Variants in MICU3 observed in about 807,000 individuals in gnomAD.
MICU3 encodes the protein calcium uptake protein 3, mitochondrial.
In MICU3, 62 loss-of-function variants were observed where a neutral mutation model predicts 66.5. The ratio of observed to expected loss-of-function variants is 0.93; its 90% CI spans 0.76 to 1.15. MICU3 has a LOEUF of 1.15. Among genes scored for constraint, MICU3 ranks in the 50% most tolerant of loss-of-function variants. The probability of loss-of-function intolerance (pLI) is 0.00; values close to 1 mark genes in which losing one functional copy is unlikely to be tolerated. For missense variants in MICU3, 779 were observed against 664.4 expected (o/e 1.17, Z -1.90); for synonymous variants, 308 against 240.7 (o/e 1.28, Z -2.59).
At position 17,038,839 on chromosome 8, in the gene MICU3, G is replaced by T. The variant is rs576840708; in HGVS notation, c.381+11179G>T. 1.1e-3 allele frequency among the ~76,000 whole-genome samples: 168 copies of T among 152,104 alleles called. 1 individual carries two copies. The highest frequency in any genetic ancestry group is 3.9e-3 in the African/African-American group (163 of 41,506). On this transcript the variant is annotated intron_variant, in intron 1 of 14. Coordinates refer to ENST00000318063, the MANE Select transcript of MICU3 (RefSeq NM_181723.3). ...GTGGTGGCAGTCGCCTGTAGTCCCA[G>T]CTGCTCGGGAGGCTGAGGCAGGAGA... is the stretch of plus-strand genomic sequence containing the variant.
At chr8:17,051,957 G>A (rs1816167998) in intron 1 of MICU3, among the ~76,000 whole-genome samples, 1 of 152,078 alleles carries the variant, frequency 6.6e-6, no homozygotes, top group African/African-American at 2.4e-5. Context: ...TGAAGGAGAA[G>A]TATACAGTGG....
intron 1 of MICU3, 60 bp downstream of exon 1, chr8:17,027,720 C>G: frequency 2.4e-6 from 3 of 1,261,250 alleles, no homozygotes; most frequent in Non-Finnish European, 3.0e-6. Flanking sequence ...GCCGGGTACG[C>G]AGGACCCTGG....
rs369080878 is a variant in MICU3, at chr8:17,069,644, A to G, written c.536-44A>G. ...GTTAGCAAATATGGATATATATTCC[A>G]TGAAGTATTTATTATCTAATTATCT... On this transcript the variant is annotated intron_variant, in intron 2 of 14. Transcript: ENST00000318063. 35 of 1,229,220 alleles carry G rather than the reference A, an allele frequency of 2.8e-5. No individual in the cohort carries two copies. In the African/African-American group the frequency reaches 5.3e-4, roughly 19 times the overall value. The allele number at this position is 1,229,220 out of a possible 1,614,324, so 76.1% of individuals were successfully genotyped here. A position where few individuals can be genotyped will look rare whatever the true frequency, so the allele number is the denominator to read the frequency against.
chr8:17,107,611 G>T (rs920000054), intron 11 of MICU3, among the ~76,000 whole-genome samples: 1 of 152,112 alleles, frequency 6.6e-6, no homozygotes, highest in Non-Finnish European at 1.5e-5. Flanking sequence ...AAGTAAAATT[G>T]TATTGGAACA....
chr8:17,099,136 G>A (rs1039003740), intron 9 of MICU3, among the ~76,000 whole-genome samples: 18 of 151,642 alleles, frequency 1.2e-4, no homozygotes, highest in Admixed American at 3.3e-4. Context: ...ATCGGAGTGG[G>A]CTGCTTCCAT....
chr8:17,086,652 C>G (rs1170442061), intron 6 of MICU3, among the ~76,000 whole-genome samples: 2 of 152,108 alleles, frequency 1.3e-5, no homozygotes, highest in African/African-American at 4.8e-5. Flanking sequence ...GTTCCATCCC[C>G]CTGACTTAAA....
At chr8:17,133,464 G>A in the MICU3 span, among the ~76,000 whole-genome samples, 3 of 151,974 alleles carry the variant, frequency 2.0e-5, no homozygotes, top group East Asian at 1.9e-4. Context: ...TAAGTTGCAC[G>A]TATTCTTCCA....
chr8:17,064,340 T>C, intron 2 of MICU3, 103 bp downstream of exon 2: 1 of 812,704 alleles, frequency 1.2e-6, no homozygotes, highest in South Asian at 2.1e-5. Context: ...CTGAGTAATG[T>C]GGTATTTCAC....
At chr8:17,092,559 A>G (rs184653412) in intron 8 of MICU3, among the ~76,000 whole-genome samples, 2 of 152,134 alleles carry the variant, frequency 1.3e-5, no homozygotes, top group African/African-American at 4.8e-5. Flanking sequence ...AAAGTGATGT[A>G]ACTTGATGTC....
chr8:17,114,035 C>CTCGGTGGTCA, intron 11 of MICU3, 58 bp from the exon 12 acceptor site: 1 of 1,114,230 alleles, frequency 9.0e-7, no homozygotes, highest in Non-Finnish European at 1.3e-6. Context: ...ATGTGTAGAT[C>CTCGGTGGTCA]CTGATTTTAA....
chr8:17,100,030 G>T (rs187262825), intron 9 of MICU3, among the ~76,000 whole-genome samples: 1 of 151,884 alleles, frequency 6.6e-6, no homozygotes, highest in Admixed American at 6.6e-5. Flanking sequence ...CTTTGGAAAA[G>T]GTATATGGTT....
intron 1 of MICU3, among the ~76,000 whole-genome samples, chr8:17,054,972 C>T (rs548184371): frequency 3.9e-5 from 6 of 151,938 alleles, no homozygotes; most frequent in African/African-American, 9.7e-5. Flanking sequence ...CTCCTGACCC[C>T]GTGATCCGCC....
At chr8:17,049,904 T>G (rs774764926) in intron 1 of MICU3, among the ~76,000 whole-genome samples, 2 of 152,244 alleles carry the variant, frequency 1.3e-5, no homozygotes, top group Non-Finnish European at 2.9e-5. Context: ...GTTTTTTTAC[T>G]CATTTTTCTA....
chr8:17,113,994 A>G (rs1008552890), intron 11 of MICU3, 99 bp from the exon 12 acceptor site: 1 of 677,776 alleles, frequency 1.5e-6, no homozygotes, highest in Non-Finnish European at 2.4e-6. Flanking sequence ...TACAAGATAC[A>G]TTGCAAATGC....
intron 1 of MICU3, among the ~76,000 whole-genome samples, chr8:17,031,106 T>A (rs1266863999): frequency 1.3e-5 from 2 of 151,994 alleles, no homozygotes; most frequent in Admixed American, 6.6e-5. Context: ...TAGTCCCAGC[T>A]ACTCAGGGGG....
intron 1 of MICU3, among the ~76,000 whole-genome samples, chr8:17,032,971 T>C (rs1325019056): frequency 6.6e-6 from 1 of 152,182 alleles, no homozygotes; most frequent in African/African-American, 2.4e-5. Context: ...ACCGCACCCA[T>C]ATAAGACAGC....
chr8:17,027,478 C>G lies in MICU3; in HGVS notation c.199C>G (p.Leu67Val), dbSNP rs769698861. The G allele has an allele frequency of 3.9e-6, 5 of 1,284,728 alleles. No homozygotes were observed. Among genetic ancestry groups the G allele is most frequent in the Non-Finnish European group, 3.9e-6 (4 of 1,020,192 alleles). 79.6% of individuals were successfully genotyped at this position (1,284,728 alleles called of 1,614,324 possible). The change falls in exon 1 of 15, where the codon CTG (leucine) becomes GTG (valine). Residue 67 changes from leucine to valine, a missense_variant. Physicochemically the swap from Leu to Val is conservative, Grantham distance 32. Coordinates refer to ENST00000318063, the MANE Select transcript of MICU3 (RefSeq NM_181723.3). The stretch of plus-strand genomic sequence containing the variant: ...GAGGCGGCGGCGGCGCTGGGGGGAG[C>G]TGAGCGTGGCGGCGGCGGCCGGCGG... ...AWRRRRRWGELSVAAAAGGGL... is the reference protein window; with the variant it reads ...AWRRRRRWGEVSVAAAAGGGL...
intron 11 of MICU3, among the ~76,000 whole-genome samples, chr8:17,112,202 T>G (rs1487036952): frequency 6.6e-6 from 1 of 152,220 alleles, no homozygotes; most frequent in Non-Finnish European, 1.5e-5. Context: ...TCAACATTCT[T>G]ATTGAAAGTC....
At chr8:17,080,477 G>A (rs3915956) in intron 4 of MICU3, among the ~76,000 whole-genome samples, 13,198 of 152,126 alleles carry the variant, frequency 0.087, 904 homozygotes, top group East Asian at 0.38. Context: ...ACAACAGTTA[G>A]TGAGATGGGA....
Sources: gnomAD v4.1 joint callset for allele counts (sites outside exome capture counted in the v4.1 genomes callset) on GRCh38, gnomAD v4.1.1 for gene constraint, MANE v1.5 for transcripts, NCBI Gene and HGNC (gene_info 2026-07-23, HGNC 2026-07-21) for gene names.